Variants in VEZF1 observed in about 807,000 individuals in gnomAD.
VEZF1 encodes the protein vascular endothelial zinc finger 1.
Under a neutral mutation model 44.1 loss-of-function variants are expected in VEZF1, and 5 were observed. The ratio of observed to expected loss-of-function variants is 0.11; its 90% confidence interval spans 0.06 to 0.24. The LOEUF (loss-of-function observed/expected upper bound fraction) is 0.24, where lower values mean the gene tolerates loss of function less well. Among genes scored for constraint, VEZF1 ranks in the 10% least tolerant of loss-of-function variants. The pLI is 1.00. For missense variants in VEZF1, 358 were observed against 641.8 expected (o/e 0.56, Z 4.78); for synonymous variants, 236 against 233.1 (o/e 1.01, Z -0.11).
intron 2 of VEZF1, 43 bp from the exon 3 acceptor site, chr17:57,981,979 T>C (rs777910057): frequency 4.6e-5 from 73 of 1,595,426 alleles, no homozygotes; most frequent in Non-Finnish European, 6.2e-5. Flanking sequence ...ATCGAACACA[T>C]AGAGAAATGC....
In VEZF1 at chr17:57,988,206, G is replaced by A. The variant is rs1341451432; in HGVS notation, c.-95C>T. The A allele has an allele frequency of 3.7e-6, 1 of 268,480 alleles. No individual in the cohort carries two copies. The highest frequency in any genetic ancestry group is 1.3e-4 in the South Asian group (1 of 7,984). 16.6% of individuals were successfully genotyped at this position (268,480 alleles called of 1,614,324 possible). A position where few individuals can be genotyped will look rare whatever the true frequency, so the allele number is the denominator to read the frequency against. ...ACAACAAAGCGGCGGCGGCGGCGGC[G>A]GCAACGGCAGCGGCGGCTCCTCAAC... On this transcript the variant is annotated 5_prime_UTR_variant, in exon 1 of 6. Transcript: ENST00000581208.
Position 57,973,569 on chromosome 17 carries a change from C to T in VEZF1, c.*904G>A, listed in dbSNP as rs1251119814. Reference sequence around the variant, plus strand: ...AGGGGCATATCACATCCCAGTGCCTCCAGCGTCTTCCAATTTAAAGCAATA... The same window carrying T: ...AGGGGCATATCACATCCCAGTGCCTTCAGCGTCTTCCAATTTAAAGCAATA... On this transcript the variant is annotated 3_prime_UTR_variant, in exon 6 of 6. Coordinates refer to ENST00000581208, the MANE Select transcript of VEZF1 (RefSeq NM_007146.3). 6.6e-6 allele frequency: 1 copy of T among 152,524 alleles called. No homozygotes were observed. Among genetic ancestry groups the T allele is most frequent in the Non-Finnish European group, 1.5e-5 (1 of 68,030 alleles). The allele number at this position is 152,524 out of a possible 1,614,324, so 9.4% of individuals were successfully genotyped here.
intron 4 of VEZF1, among the ~76,000 whole-genome samples, 160 bp downstream of exon 4, chr17:57,980,443 T>C (rs1271313312): frequency 1.3e-5 from 2 of 152,258 alleles, no homozygotes; most frequent in African/African-American, 4.8e-5. Flanking sequence ...TAAAGCATAG[T>C]TCTGACATTA....
intron 2 of VEZF1, 85 bp from the exon 3 acceptor site, chr17:57,982,021 T>G (rs2075253618): frequency 2.1e-6 from 3 of 1,420,784 alleles, no homozygotes; most frequent in Non-Finnish European, 3.0e-6. Flanking sequence ...CTTGGCAGAT[T>G]GGGAAGGGGT....
Position 57,983,100 on chromosome 17 carries a change from G to C in VEZF1, c.327C>G (p.Pro109=). 6.2e-7 allele frequency: 1 copy of C among 1,614,228 alleles called. No homozygotes were observed. The highest frequency in any genetic ancestry group is 8.5e-7 in the Non-Finnish European group (1 of 1,180,038). ...TAGAGATAAGGGGAACCACCGTGGT[G>C]GGGGTTTTCTTTGGCCGGGACACCA... is the stretch of plus-strand genomic sequence containing the variant. ...IKLVSRPKKT[P]TTVVPLISTI... The change falls in exon 2 of 6, where the codon CCC becomes CCG. Residue 109 remains proline, a synonymous_variant. Coordinates refer to ENST00000581208, the MANE Select transcript of VEZF1 (RefSeq NM_007146.3).
At chr17:57,983,422 C>T in intron 1 of VEZF1, 29 bp from the exon 2 acceptor site, 1 of 1,559,478 alleles carries the variant, frequency 6.4e-7, no homozygotes, top group Non-Finnish European at 8.6e-7. Context: ...ACTTCAGAAA[C>T]TCAGCCTCTC....
In VEZF1 at chr17:57,973,317, A is replaced by C. The variant is rs2075155697; in HGVS notation, c.*1156T>G. 1 of 152,466 alleles carries C rather than the reference A, an allele frequency of 6.6e-6. No homozygotes were observed. Among genetic ancestry groups the C allele is most frequent in the Admixed American group, 6.5e-5 (1 of 15,282 alleles). The allele number at this position is 152,466 out of a possible 1,614,324, so 9.4% of individuals were successfully genotyped here. A position where few individuals can be genotyped will look rare whatever the true frequency, so the allele number is the denominator to read the frequency against. ...ATACAAGTGTTTTCTCAAAGAAAAA[A>C]AAAGTGATGTCCATATTTACAAAGT... On this transcript the variant is annotated 3_prime_UTR_variant, in exon 6 of 6. Transcript: ENST00000581208.
At chr17:57,976,297 C>A (rs2075190304) in intron 5 of VEZF1, among the ~76,000 whole-genome samples, 1 of 152,160 alleles carries the variant, frequency 6.6e-6, no homozygotes, top group South Asian at 2.1e-4. Context: ...AGTCAAGCAG[C>A]CCTTACTTGA....
rs1472200446 is a variant in VEZF1 at position 57,974,349 on chromosome 17, C to A, written c.*124G>T. 2 of 1,150,038 alleles carry A rather than the reference C, an allele frequency of 1.7e-6. No homozygotes were observed. The highest frequency in any genetic ancestry group is 3.1e-5 in the African/African-American group (2 of 63,734). 71.2% of individuals were successfully genotyped at this position (1,150,038 alleles called of 1,614,324 possible). On this transcript the variant is annotated 3_prime_UTR_variant, in exon 6 of 6. Transcript: ENST00000581208. ...GCCAAATTGGAGAAAAATGCTACCA[C>A]ACTCTTATTAACTAATGTAATAAAA...
intron 1 of VEZF1, among the ~76,000 whole-genome samples, chr17:57,986,739 T>C (rs1039999321): frequency 4.3e-4 from 65 of 152,228 alleles, no homozygotes; most frequent in African/African-American, 1.3e-3. Flanking sequence ...TTCTCTATAT[T>C]AACTCCACTA....
At position 57,974,333 on chromosome 17, in the gene VEZF1, G is replaced by A. The variant is rs1415064086; in HGVS notation, c.*140C>T. The A allele has an allele frequency of 2.0e-6, 2 of 1,015,414 alleles. No homozygotes were observed. The highest frequency in any genetic ancestry group is 3.3e-5 in the African/African-American group (2 of 61,166). The allele number at this position is 1,015,414 out of a possible 1,614,324, so 62.9% of individuals were successfully genotyped here. Reference sequence around the variant, plus strand: ...ACTTTGAATAATCCCAGCCAAATTGGAGAAAAATGCTACCACACTCTTATT... The same window carrying A: ...ACTTTGAATAATCCCAGCCAAATTGAAGAAAAATGCTACCACACTCTTATT... On this transcript the variant is annotated 3_prime_UTR_variant, in exon 6 of 6. Coordinates refer to ENST00000581208, the MANE Select transcript of VEZF1 (RefSeq NM_007146.3).
chr17:57,985,207 T>A, intron 1 of VEZF1: 1 of 1,172,082 alleles, frequency 8.5e-7, no homozygotes, highest in Non-Finnish European at 1.1e-6. Context: ...GAGGCATTTT[T>A]CAACTCTAAA....
intron 4 of VEZF1, among the ~76,000 whole-genome samples, chr17:57,980,130 T>C (rs2075235163): frequency 6.6e-6 from 1 of 152,204 alleles, no homozygotes; most frequent in African/African-American, 2.4e-5. Flanking sequence ...CCCCATTCTC[T>C]TGTGGCCACC....
At chr17:57,987,909 C>T (rs2075315282) in intron 1 of VEZF1, among the ~76,000 whole-genome samples, 170 bp downstream of exon 1, 1 of 151,904 alleles carries the variant, frequency 6.6e-6, no homozygotes, top group African/African-American at 2.4e-5. Flanking sequence ...CCTCCTTTCA[C>T]CTCAGCAGCC....
intron 1 of VEZF1, among the ~76,000 whole-genome samples, chr17:57,983,709 C>T (rs563229305): frequency 6.6e-6 from 1 of 152,228 alleles, no homozygotes; most frequent in Admixed American, 6.5e-5. Context: ...AGTCTGTCAG[C>T]GCTGAAACCA....
At position 57,974,575 on chromosome 17, in the gene VEZF1, T is replaced by G. The variant is rs1224645679; in HGVS notation, c.1464A>C (p.Leu488=). The change falls in exon 6 of 6, where the codon CTA becomes CTC. Residue 488 remains leucine, a synonymous_variant. Transcript: ENST00000581208. ...GGGCGGCTAATGTCATAGGTGTGGG[T>G]AGATTCATTGGAGATGTGATGGTGA... is the stretch of plus-strand genomic sequence containing the variant. ...HPVTITSPMN[L]PTPMTLAAPL... 6.2e-7 allele frequency: 1 copy of G among 1,614,096 alleles called. No homozygotes were observed. Among genetic ancestry groups the G allele is most frequent in the Non-Finnish European group, 8.5e-7 (1 of 1,180,016 alleles).
In VEZF1 at chr17:57,973,446, T is replaced by TA. The variant is rs928597387; in HGVS notation, c.*1026dup. 6.6e-6 allele frequency: 1 copy of TA among 152,610 alleles called. No homozygotes were observed. The highest frequency in any genetic ancestry group is 2.4e-5 in the African/African-American group (1 of 41,438). 9.5% of individuals were successfully genotyped at this position (152,610 alleles called of 1,614,324 possible). A position where few individuals can be genotyped will look rare whatever the true frequency, so the allele number is the denominator to read the frequency against. ...TACACTACCTAGTTAGTGGTTAGAATAAAAACTGTATACAATTTAATATAA... is the reference window on the plus strand; with the variant it reads ...TACACTACCTAGTTAGTGGTTAGAATAAAAAACTGTATACAATTTAATATAA... On this transcript the variant is annotated 3_prime_UTR_variant, in exon 6 of 6. Transcript: ENST00000581208.
intron 1 of VEZF1, among the ~76,000 whole-genome samples, chr17:57,984,131 C>G (rs1351862277): frequency 2.6e-5 from 4 of 152,198 alleles, no homozygotes; most frequent in Non-Finnish European, 4.4e-5. Context: ...AAATCCCAAA[C>G]TCTCAAAGAC....
chr17:57,976,852 G>A (rs1466230141), intron 5 of VEZF1, among the ~76,000 whole-genome samples: 1 of 151,824 alleles, frequency 6.6e-6, no homozygotes, highest in Non-Finnish European at 1.5e-5. Flanking sequence ...TTCACTTTAA[G>A]GTGCTGGGAG....
Sources: gnomAD v4.1 joint callset for allele counts (sites outside exome capture counted in the v4.1 genomes callset) on GRCh38, gnomAD v4.1.1 for gene constraint, MANE v1.5 for transcripts, NCBI Gene and HGNC (gene_info 2026-07-23, HGNC 2026-07-21) for gene names.